The following CDK5RAP2 variants were observed in gnomAD, a reference collection of about 807,000 sequenced individuals.
The protein encoded by CDK5RAP2 is CDK5 regulatory subunit associated protein 2.
In CDK5RAP2, 147 loss-of-function variants were observed where a neutral mutation model predicts 232.9. The ratio of observed to expected loss-of-function variants is 0.63; its 90% confidence interval spans 0.55 to 0.72. The LOEUF (loss-of-function observed/expected upper bound fraction) is 0.72. Ranked by LOEUF, CDK5RAP2 falls within the 30% of genes least tolerant of loss-of-function variation. CDK5RAP2 has a pLI of 0.00. For synonymous variants in CDK5RAP2, 833 were observed against 833.7 expected, an observed-to-expected ratio of 1.00 and a Z score of 0.01; for missense variants, 2,195 against 2,231.5, an observed-to-expected ratio of 0.98 and a Z score of 0.33.
chr9:120,558,669 T>C (rs2042338903), intron 3 of CDK5RAP2, among the ~76,000 whole-genome samples: 1 of 152,136 alleles, frequency 6.6e-6, no homozygotes, highest in Admixed American at 6.6e-5. Context: ...CTTGTCTGCC[T>C]ACAAAGCTCT....
At chr9:120,468,376 T>C (rs1156639675) in intron 17 of CDK5RAP2, among the ~76,000 whole-genome samples, 1 of 152,214 alleles carries the variant, frequency 6.6e-6, no homozygotes, top group Non-Finnish European at 1.5e-5. Context: ...CTCTTGCACT[T>C]GAGACCCTCT....
chr9:120,401,443 C>T (rs569530158), intron 34 of CDK5RAP2, among the ~76,000 whole-genome samples: 13 of 151,618 alleles, frequency 8.6e-5, no homozygotes, highest in South Asian at 4.2e-4. Flanking sequence ...AGACCCCCAT[C>T]TCTACAAAAA....
At chr9:120,426,676 G>C (rs1270746992) in intron 25 of CDK5RAP2, among the ~76,000 whole-genome samples, 1 of 152,172 alleles carries the variant, frequency 6.6e-6, no homozygotes, top group Non-Finnish European at 1.5e-5. Flanking sequence ...AGGAGAAAGG[G>C]AAGGGGATTC....
At chr9:120,396,346 C>T (rs1564163668) in intron 35 of CDK5RAP2, among the ~76,000 whole-genome samples, 1 of 152,240 alleles carries the variant, frequency 6.6e-6, no homozygotes, top group Admixed American at 6.5e-5. Flanking sequence ...CTACAGTCAA[C>T]GCCTTAGTCC....
intron 12 of CDK5RAP2, among the ~76,000 whole-genome samples, chr9:120,517,285 C>T (rs898626435): frequency 1.3e-5 from 2 of 152,150 alleles, no homozygotes; most frequent in African/African-American, 2.4e-5. Flanking sequence ...AATATACAAA[C>T]ATTTGCATTT....
intron 12 of CDK5RAP2, among the ~76,000 whole-genome samples, chr9:120,492,976 A>G (rs1051006325): frequency 6.6e-6 from 1 of 152,222 alleles, no homozygotes; most frequent in African/African-American, 2.4e-5. Flanking sequence ...TGGTATCCAG[A>G]CTATAGTCTC....
At chr9:120,452,962 A>G (rs1186841796) in intron 21 of CDK5RAP2, among the ~76,000 whole-genome samples, 1 of 152,188 alleles carries the variant, frequency 6.6e-6, no homozygotes, top group East Asian at 1.9e-4. Flanking sequence ...CACAAGATAA[A>G]ACCTAGGTTC....
chr9:120,457,195 C>G (rs534823051), intron 20 of CDK5RAP2, among the ~76,000 whole-genome samples: 1 of 152,288 alleles, frequency 6.6e-6, no homozygotes, highest in African/African-American at 2.4e-5. Flanking sequence ...AACCAAGTGT[C>G]AGAGCAAAGA....
chr9:120,439,315 C>T, intron 24 of CDK5RAP2, 84 bp downstream of exon 24: 1 of 1,159,786 alleles, frequency 8.6e-7, no homozygotes, highest in Non-Finnish European at 1.3e-6. Context: ...GAGTAGTGTT[C>T]TCTTTTAGCT....
At chr9:120,533,779 CAG>C (rs1282883915) in intron 7 of CDK5RAP2, among the ~76,000 whole-genome samples, 7 of 116,208 alleles carry the variant, frequency 6.0e-5, no homozygotes, top group Admixed American at 1.2e-4. Context: ...GCCTGGAGGA[CAG>C]AGTTAAGACT....
chr9:120,543,628 G>A (rs763469853), intron 5 of CDK5RAP2, among the ~76,000 whole-genome samples: 6 of 152,306 alleles, frequency 3.9e-5, no homozygotes, highest in Non-Finnish European at 8.8e-5. Context: ...GGAGGCTGAG[G>A]TGGGCGGATC....
At chr9:120,412,033 C>T (rs1182057555) in intron 28 of CDK5RAP2, among the ~76,000 whole-genome samples, 3 of 152,192 alleles carry the variant, frequency 2.0e-5, no homozygotes, top group African/African-American at 4.8e-5. Context: ...TACTCTTTTC[C>T]GTCCTAAAGT....
rs990603728 is a variant in CDK5RAP2 at position 120,547,172 on chromosome 9, T to A, written c.307-1382A>T. On this transcript the variant is annotated intron_variant, in intron 4 of 37. Transcript: ENST00000349780. Reference sequence around the variant, plus strand: ...CCCAGCTAATTTTTTGTATTTTTAGTTGAGACGGGGTTTCGCCACGTTGGC... The same window carrying A: ...CCCAGCTAATTTTTTGTATTTTTAGATGAGACGGGGTTTCGCCACGTTGGC... 2.6e-5 allele frequency among the ~76,000 whole-genome samples: 4 copies of A among 151,970 alleles called. No homozygotes were observed. In the South Asian group the frequency reaches 8.3e-4, roughly 31 times the overall value.
chr9:120,433,684 T>C (rs1197567939), intron 25 of CDK5RAP2, among the ~76,000 whole-genome samples: 1 of 152,238 alleles, frequency 6.6e-6, no homozygotes, highest in African/African-American at 2.4e-5. Context: ...TCCAAGGTCA[T>C]TGTGAAGTTT....
chr9:120,518,458 C>T lies in CDK5RAP2; in HGVS notation c.1280G>A (p.Arg427Gln), dbSNP rs141387242. 131 of 1,613,868 alleles carry T rather than the reference C, an allele frequency of 8.1e-5. No homozygotes were observed. In the South Asian group the frequency reaches 8.5e-4, roughly 10 times the overall value. Residue 427 changes from arginine to glutamine, a missense_variant, in exon 12 of 38, where the codon CGA becomes CAA. Transcript: ENST00000349780. The stretch of plus-strand genomic sequence containing the variant: ...GGTGCAGTCTCCTTTGCTCTTCTCT[C>T]GATGGGCTTCCTCCAGGTCCTTCTC... ...RLEKDLEEAHREKSKGDCTIR... is the reference protein window; with the variant it reads ...RLEKDLEEAHQEKSKGDCTIR...
Position 120,459,934 on chromosome 9 carries a change from T to C in CDK5RAP2, c.2202+638A>G, listed in dbSNP as rs570626923. On this transcript the variant is annotated intron_variant, in intron 19 of 37. Transcript: ENST00000349780. ...GGGTTCTTTCAACCTTGGAGACTGC[T>C]TGGAGTCTCCTACTTATTTTATGAA... Among the ~76,000 whole-genome samples, 4 of 152,324 alleles carry C rather than the reference T, an allele frequency of 2.6e-5. No homozygotes were observed. In the South Asian group the frequency reaches 8.3e-4, roughly 32 times the overall value.
chr9:120,541,744 C>G (rs1035307559), intron 5 of CDK5RAP2, among the ~76,000 whole-genome samples: 3 of 152,206 alleles, frequency 2.0e-5, no homozygotes, highest in African/African-American at 7.2e-5. Context: ...ATACTGACTG[C>G]CCACATAACT....
At chr9:120,428,010 G>A (rs1420454328) in intron 25 of CDK5RAP2, among the ~76,000 whole-genome samples, 3 of 152,028 alleles carry the variant, frequency 2.0e-5, no homozygotes, top group Non-Finnish European at 4.4e-5. Context: ...ATGACTACTG[G>A]GTACATAACG....
chr9:120,524,876 A>G (rs2040829946), intron 11 of CDK5RAP2, 110 bp downstream of exon 11: 1 of 771,714 alleles, frequency 1.3e-6, no homozygotes, highest in South Asian at 1.4e-5. Flanking sequence ...ACTGAAGACC[A>G]CCCACAGTTT....
Sources: gnomAD v4.1 joint callset for allele counts (sites outside exome capture counted in the v4.1 genomes callset) on GRCh38, gnomAD v4.1.1 for gene constraint, MANE v1.5 for transcripts, NCBI Gene and HGNC (gene_info 2026-07-23, HGNC 2026-07-21) for gene names.